The following AMPH variants were observed in gnomAD, a reference collection of about 807,000 sequenced individuals.
AMPH encodes the protein amphiphysin (Stiff-Mann syndrome with breast cancer 128kD autoantigen).
In AMPH, 49 loss-of-function variants were observed where a neutral mutation model predicts 99.1. The observed-to-expected ratio is 0.49, with a 90% CI of 0.39 to 0.63. AMPH has a LOEUF of 0.63. Ranked by LOEUF, AMPH falls within the 20% of genes least tolerant of loss-of-function variation. The pLI is 0.00. For missense variants in AMPH, 759 were observed against 863.4 expected (o/e 0.88, Z 1.52); for synonymous variants, 314 against 317.3 (o/e 0.99, Z 0.11).
At chr7:38,628,865 AC>A (rs902742901) in intron 1 of AMPH, among the ~76,000 whole-genome samples, 4 of 152,186 alleles carry the variant, frequency 2.6e-5, no homozygotes, top group Non-Finnish European at 4.4e-5. Context: ...TAAGAAAAAA[AC>A]GTATTTAAAA....
chr7:38,533,674 G>A (rs373158866), intron 2 of AMPH, among the ~76,000 whole-genome samples: 1 of 152,152 alleles, frequency 6.6e-6, no homozygotes, highest in African/African-American at 2.4e-5. Flanking sequence ...TCATCTCTGA[G>A]GCTATAATTC....
chr7:38,591,466 T>C (rs1195387973), intron 1 of AMPH, among the ~76,000 whole-genome samples: 8 of 152,090 alleles, frequency 5.3e-5, no homozygotes. Flanking sequence ...TTTGTATTTT[T>C]AGTAAAGATG....
intron 1 of AMPH, among the ~76,000 whole-genome samples, chr7:38,589,351 C>T (rs540817412): frequency 4.6e-4 from 70 of 152,328 alleles, no homozygotes; most frequent in African/African-American, 9.9e-4. Flanking sequence ...TGAATCCCAC[C>T]GAATTCCTCA....
chr7:38,451,194 C>G (rs570566056), intron 11 of AMPH, among the ~76,000 whole-genome samples: 4 of 151,766 alleles, frequency 2.6e-5, no homozygotes, highest in Admixed American at 2.6e-4. Context: ...TGTCTGGCCC[C>G]AAAACATTTT....
intron 3 of AMPH, among the ~76,000 whole-genome samples, chr7:38,496,583 C>T (rs1011166868): frequency 6.6e-6 from 1 of 152,138 alleles, no homozygotes; most frequent in East Asian, 1.9e-4. Context: ...AACCTGAATC[C>T]AACCCATCGC....
chr7:38,539,521 G>A (rs1790734012), intron 1 of AMPH, among the ~76,000 whole-genome samples: 1 of 152,204 alleles, frequency 6.6e-6, no homozygotes, highest in South Asian at 2.1e-4. Flanking sequence ...TCTTACTCAG[G>A]AAGAGGCACA....
chr7:38,547,602 T>C (rs1050386671), intron 1 of AMPH, among the ~76,000 whole-genome samples: 2 of 152,172 alleles, frequency 1.3e-5, no homozygotes, highest in Non-Finnish European at 2.9e-5. Context: ...TCAGTCAACT[T>C]AGAAAGTTTA....
chr7:38,431,709 T>C (rs1474406511), intron 13 of AMPH, among the ~76,000 whole-genome samples: 3 of 151,650 alleles, frequency 2.0e-5, no homozygotes, highest in Non-Finnish European at 4.4e-5. Context: ...TTATGAGTAG[T>C]AGAGTTTGGA....
chr7:38,529,910 C>CATAT (rs1269915031), intron 2 of AMPH, among the ~76,000 whole-genome samples: 1 of 152,138 alleles, frequency 6.6e-6, no homozygotes, highest in Non-Finnish European at 1.5e-5. Flanking sequence ...CACACATTAA[C>CATAT]ATATATACTG....
At chr7:38,463,970 G>A in intron 9 of AMPH, 1 of 969,432 alleles carries the variant, frequency 1.0e-6, no homozygotes, top group South Asian at 1.4e-5. Flanking sequence ...AGGAAACTGG[G>A]TCCTTTAGCG....
At chr7:38,622,027 C>T (rs377575474) in intron 1 of AMPH, among the ~76,000 whole-genome samples, 37 of 152,282 alleles carry the variant, frequency 2.4e-4, no homozygotes, top group African/African-American at 8.4e-4. Flanking sequence ...TTGCATGATG[C>T]TGTATAGATG....
At chr7:38,626,709 C>A (rs376338694) in intron 1 of AMPH, among the ~76,000 whole-genome samples, 4 of 152,252 alleles carry the variant, frequency 2.6e-5, no homozygotes, top group African/African-American at 9.6e-5. Context: ...TCTAATTAAA[C>A]TAAAGAGCTT....
At chr7:38,541,889 GGTAA>G (rs1175397955) in intron 1 of AMPH, among the ~76,000 whole-genome samples, 4 of 152,182 alleles carry the variant, frequency 2.6e-5, no homozygotes, top group Non-Finnish European at 5.9e-5. Context: ...TGGGAACAGA[GGTAA>G]GTGAGAAGGG....
At chr7:38,454,006 A>T (rs775419212) in intron 11 of AMPH, among the ~76,000 whole-genome samples, 3 of 152,216 alleles carry the variant, frequency 2.0e-5, no homozygotes, top group Non-Finnish European at 2.9e-5. Flanking sequence ...TTTGGCACTA[A>T]GACAGCTATC....
At chr7:38,524,171 T>C (rs1184816546) in intron 2 of AMPH, among the ~76,000 whole-genome samples, 1 of 152,106 alleles carries the variant, frequency 6.6e-6, no homozygotes, top group African/African-American at 2.4e-5. Flanking sequence ...AAGCTAATTA[T>C]GAGAAAAGTA....
At position 38,444,890 on chromosome 7, in the gene AMPH, T is replaced by C. The variant is rs577008908; in HGVS notation, c.1018-8502A>G. 4.7e-3 allele frequency among the ~76,000 whole-genome samples: 718 copies of C among 151,662 alleles called. 3 individuals are homozygous for C. Among genetic ancestry groups the C allele is most frequent in the Middle Eastern group, 0.01 (3 of 292 alleles). On this transcript the variant is annotated intron_variant, in intron 11 of 20. Transcript: ENST00000356264. ...CCCTACTGACCCTGATTTCAAGATA[T>C]CATAAAATGACAATAATCAATATAG...
chr7:38,398,988 TGA>T (rs200723836), intron 17 of AMPH, among the ~76,000 whole-genome samples: 88 of 152,040 alleles, frequency 5.8e-4, no homozygotes, highest in African/African-American at 1.2e-3. Flanking sequence ...ACCTCAGCTG[TGA>T]TTTTTGTCAC....
intron 1 of AMPH, among the ~76,000 whole-genome samples, chr7:38,552,477 T>C (rs1791213265): frequency 2.6e-5 from 4 of 152,314 alleles, no homozygotes; most frequent in African/African-American, 9.6e-5. Context: ...CAACATGAAC[T>C]AATAATTAGA....
At chr7:38,476,156 G>A (rs906897804) in intron 6 of AMPH, among the ~76,000 whole-genome samples, 1 of 152,220 alleles carries the variant, frequency 6.6e-6, no homozygotes, top group African/African-American at 2.4e-5. Flanking sequence ...AGAAGGCGAG[G>A]AGGGGAAAGG....
Sources: allele counts gnomAD v4.1 joint callset (sites outside exome capture counted in the v4.1 genomes callset), GRCh38; gene constraint gnomAD v4.1.1; transcripts MANE v1.5; gene names NCBI Gene and HGNC (gene_info 2026-07-23, HGNC 2026-07-21).